Variants in LETM1 observed in about 807,000 individuals in gnomAD.
LETM1 encodes mitochondrial proton/calcium exchanger protein.
Under a neutral mutation model 74.5 loss-of-function variants are expected in LETM1, and 50 were observed. The observed-to-expected ratio is 0.67, with a 90% CI of 0.53 to 0.85. The LOEUF (loss-of-function observed/expected upper bound fraction) is 0.85. LETM1 is among the 40% of genes least tolerant of loss of function. LETM1 has a pLI of 0.00. For synonymous variants in LETM1, 446 were observed against 407.1 expected, an observed-to-expected ratio of 1.10 and a Z score of -1.15; for missense variants, 824 against 967.8, an observed-to-expected ratio of 0.85 and a Z score of 1.97.
intron 7 of LETM1, 113 bp downstream of exon 7, chr4:1,825,451 G>C (rs1711949860): frequency 5.2e-6 from 7 of 1,336,730 alleles, no homozygotes; most frequent in Non-Finnish European, 6.2e-6. Flanking sequence ...AGAGGTCACA[G>C]TGTCGCCTCG....
chr4:1,835,819 A>G (rs1712446527), intron 4 of LETM1, among the ~76,000 whole-genome samples: 1 of 152,078 alleles, frequency 6.6e-6, no homozygotes. Context: ...AGTGGCTCAC[A>G]CCCATAATAA....
Position 1,854,685 on chromosome 4 carries a change from C to G in LETM1, c.82+1184G>C, listed in dbSNP as rs550517640. ...GCGGGTGCCTATAATTCCAGCAACT[C>G]GGCAGGCTGAGGTAAGAGAATCACT... On this transcript the variant is annotated intron_variant, in intron 1 of 13. Coordinates refer to ENST00000302787, the MANE Select transcript of LETM1 (RefSeq NM_012318.3). 2.6e-5 allele frequency among the ~76,000 whole-genome samples: 4 copies of G among 151,966 alleles called. No individual in the cohort carries two copies. In the South Asian group the frequency reaches 6.2e-4, roughly 24 times the overall value.
chr4:1,822,100 C>T lies in LETM1; in HGVS notation c.1608+81G>A, dbSNP rs1056010694. On this transcript the variant is annotated intron_variant, in intron 10 of 13. Coordinates refer to ENST00000302787, the MANE Select transcript of LETM1 (RefSeq NM_012318.3). ...GCTATAGATGCCCCAGCTAACCTGT[C>T]CCCATCCCTGCCCCACAACTGTCCA... The T allele has an allele frequency of 3.8e-6, 5 of 1,309,024 alleles. No individual in the cohort carries two copies. The East Asian group carries it at 1.1e-4, about 29-fold the overall frequency. The allele number at this position is 1,309,024 out of a possible 1,614,324, so 81.1% of individuals were successfully genotyped here.
intron 1 of LETM1, among the ~76,000 whole-genome samples, chr4:1,854,476 T>G (rs573058062): frequency 7.1e-6 from 1 of 140,310 alleles, no homozygotes; most frequent in South Asian, 2.2e-4. Context: ...CGAGACTCCA[T>G]TTCAAAAAAA....
rs1280398316 is a variant in LETM1, at chr4:1,822,266, C to G, written c.1523G>C (p.Gly508Ala). 1.3e-6 allele frequency: 2 copies of G among 1,541,282 alleles called. No individual in the cohort carries two copies. Among genetic ancestry groups the G allele is most frequent in the Admixed American group, 1.9e-5 (1 of 53,754 alleles). Residue 508 changes from glycine to alanine, a missense_variant, in exon 10 of 14, where the codon GGG becomes GCG. Coordinates refer to ENST00000302787, the MANE Select transcript of LETM1 (RefSeq NM_012318.3). ...AGGCATTTCTGGCTGTGGCTCGGTC[C>G]CCGGCCTTTGGGGAGCAGCTACCAC... is the stretch of plus-strand genomic sequence containing the variant. ...ERVVAAPQRP[G>A]TEPQPEMPDT...
In LETM1 at chr4:1,841,778, A is replaced by G; in HGVS notation, c.163T>C (p.Cys55Arg). ...GTGTACACAGGGTGGATGGGAGTGC[A>G]GCAGCCAAATGGAACATTCCTTGAA... ...RNCLNVPFGCCTPIHPVYTSS... is the reference protein window; with the variant it reads ...RNCLNVPFGCRTPIHPVYTSS... Residue 55 changes from cysteine to arginine, a missense_variant, in exon 3 of 14, where the codon TGC (cysteine) becomes CGC (arginine). Transcript: ENST00000302787. The G allele has an allele frequency of 6.2e-7, 1 of 1,612,984 alleles. No individual in the cohort carries two copies. The highest frequency in any genetic ancestry group is 8.5e-7 in the Non-Finnish European group (1 of 1,179,676).
In LETM1 at chr4:1,836,882, G is replaced by C. The variant is rs1712478929; in HGVS notation, c.595-310C>G. ...GCCAGCACTCTGGGCTCGGGGGCCA[G>C]CAAGTGAGGGCTGCAGGCTGAGGAC... On this transcript the variant is annotated intron_variant, in intron 3 of 13. Coordinates refer to ENST00000302787, the MANE Select transcript of LETM1 (RefSeq NM_012318.3). This position sits in a 1 kb window ranked among gnomAD's most constrained non-coding sequence, Gnocchi z 5.8. Among the ~76,000 whole-genome samples, 1 of 152,170 alleles carries C rather than the reference G, an allele frequency of 6.6e-6. No individual in the cohort carries two copies.
rs1335646848 is a variant in LETM1, at chr4:1,825,681, C to A, written c.1083G>T (p.Leu361=). The change falls in exon 7 of 14, where the codon CTG becomes CTT. Residue 361 remains leucine (L), a splice_region_variant and synonymous_variant. Transcript: ENST00000302787. ...GGCTGTCCACCCCTTCCTCAGCAAT[C>A]AGCTAGAAAACAAAGCAGTGAATTA... The part of the protein sequence containing the change: ...RLRSIKADDK[L]IAEEGVDSLN... The A allele has an allele frequency of 6.2e-7, 1 of 1,612,604 alleles. No homozygotes were observed. The highest frequency in any genetic ancestry group is 8.5e-7 in the Non-Finnish European group (1 of 1,179,140).
intron 10 of LETM1, 78 bp from the exon 11 acceptor site, chr4:1,819,550 G>T: frequency 6.7e-7 from 1 of 1,482,544 alleles, no homozygotes. Context: ...CAGCTGCTCT[G>T]TTCATATTAT....
intron 6 of LETM1, among the ~76,000 whole-genome samples, chr4:1,829,542 C>G (rs935794964): frequency 2.4e-4 from 37 of 152,270 alleles, no homozygotes; most frequent in Non-Finnish European, 1.8e-4. Context: ...TGGCCAGGAA[C>G]AGTGGCTCAC....
At chr4:1,835,440 CA>C (rs890900641) in intron 4 of LETM1, among the ~76,000 whole-genome samples, 1,704 of 141,522 alleles carry the variant, frequency 0.012, 31 homozygotes, top group African/African-American at 0.04. Context: ...AACTCCGTCT[CA>C]AAAAAAAAAC....
chr4:1,827,088 G>A (rs1463225573), intron 6 of LETM1, among the ~76,000 whole-genome samples: 1 of 152,158 alleles, frequency 6.6e-6, no homozygotes, highest in Non-Finnish European at 1.5e-5. Context: ...CTGGTTGCTG[G>A]GAACTCTTCC....
chr4:1,834,219 C>T lies in LETM1; in HGVS notation c.876+626G>A. On this transcript the variant is annotated intron_variant, in intron 5 of 13. Coordinates refer to ENST00000302787, the MANE Select transcript of LETM1 (RefSeq NM_012318.3). This position sits in a 1 kb window ranked among gnomAD's most constrained non-coding sequence, Gnocchi z 5.0. ...CACGCATGGCTGGAGTTTCTAGGCC[C>T]TGGTTTAAGCTCTTCCTGCACTTCA... 1 of 193,630 alleles carries T rather than the reference C, an allele frequency of 5.2e-6. No homozygotes were observed. Among genetic ancestry groups the T allele is most frequent in the Non-Finnish European group, 9.5e-6 (1 of 105,800 alleles). The allele number at this position is 193,630 out of a possible 1,614,324, so 12.0% of individuals were successfully genotyped here.
At chr4:1,855,804 G>T in intron 1 of LETM1, 65 bp downstream of exon 1, 1 of 984,576 alleles carries the variant, frequency 1.0e-6, no homozygotes, top group Non-Finnish European at 1.3e-6. Context: ...CCGAACCCGC[G>T]GGTCGTCCGC....
At chr4:1,846,365 C>A (rs1254645721) in intron 2 of LETM1, 1 of 152,164 alleles carries the variant, frequency 6.6e-6, no homozygotes, top group Non-Finnish European at 1.5e-5. Context: ...GGTCCCGGTT[C>A]AAGCAATTCT....
rs1425745676 is a variant in LETM1, at chr4:1,816,006, A to G, written c.1932-204T>C. Among the ~76,000 whole-genome samples the G allele has an allele frequency of 4.6e-5, 7 of 152,252 alleles. 1 individual carries two copies. The South Asian group carries it at 1.0e-3, about 22-fold the overall frequency. ...CCAGGGCCAGCGTGGACACAAACAC[A>G]GAAACACCACCAGGTCCAGGGTTTC... On this transcript the variant is annotated intron_variant, in intron 12 of 13. Transcript: ENST00000302787.
At chr4:1,826,805 A>G (rs1354301407) in intron 6 of LETM1, among the ~76,000 whole-genome samples, 3 of 152,030 alleles carry the variant, frequency 2.0e-5, no homozygotes, top group Admixed American at 6.5e-5. Context: ...CCTCCGTTTG[A>G]TTTCGCTCTG....
At position 1,825,609 on chromosome 4, in the gene LETM1, C is replaced by A. The variant is rs758688093; in HGVS notation, c.1155G>T (p.Arg385=). 1 of 1,613,980 alleles carries A rather than the reference C, an allele frequency of 6.2e-7. No individual in the cohort carries two copies. Residue 385 remains arginine, a synonymous_variant, in exon 7 of 14, where the codon CGG becomes CGT. Coordinates refer to ENST00000302787, the MANE Select transcript of LETM1 (RefSeq NM_012318.3). ...LQAACRARGM[R]ALGVTEDRLR... is the part of the protein sequence containing the mutation. Reference sequence around the variant, plus strand: ...GGCGGTCTTCCGTGACGCCCAGGGCCCGCATGCCTCGTGCCCGACACGCTG... The same window carrying A: ...GGCGGTCTTCCGTGACGCCCAGGGCACGCATGCCTCGTGCCCGACACGCTG...
At chr4:1,849,242 G>C (rs1180128463) in intron 1 of LETM1, 33 bp from the exon 2 acceptor site, 1 of 1,478,054 alleles carries the variant, frequency 6.8e-7, no homozygotes. Context: ...TAAATGAGTA[G>C]TAAATCAGGG....
Sources: gnomAD v4.1 joint callset for allele counts (sites outside exome capture counted in the v4.1 genomes callset) on GRCh38, gnomAD v4.1.1 for gene constraint, Gnocchi (gnomAD v3.1) non-coding constraint, MANE v1.5 for transcripts, NCBI Gene and HGNC (gene_info 2026-07-23, HGNC 2026-07-21) for gene names.